The following SLC44A1 variants were observed in gnomAD, a reference collection of about 807,000 sequenced individuals.
SLC44A1 encodes the protein choline transporter-like protein 1.
Under a neutral mutation model 79.3 loss-of-function variants are expected in SLC44A1, and 26 were observed. That is an observed-to-expected ratio of 0.33 (90% confidence interval 0.24 to 0.46). The LOEUF (loss-of-function observed/expected upper bound fraction) is 0.46. Ranked by LOEUF, SLC44A1 falls within the 20% of genes least tolerant of loss-of-function variation. The pLI, the probability that SLC44A1 is intolerant of heterozygous loss-of-function variation, is 1.00. For synonymous variants in SLC44A1, 263 were observed against 286.2 expected (o/e 0.92, Z 0.82); for missense variants, 688 against 798.1 (o/e 0.86, Z 1.66).
Position 105,384,656 on chromosome 9 carries a change from T to C in SLC44A1, c.1870-766T>C, listed in dbSNP as rs151222462. On this transcript the variant is annotated intron_variant, in intron 14 of 15. Coordinates refer to ENST00000374720, the MANE Select transcript of SLC44A1 (RefSeq NM_080546.5). ...AATTTGATCATGATTATTGTATCTC[T>C]TTTGTGACTAAAGCATTTAGAAGAG... 2.0e-5 allele frequency among the ~76,000 whole-genome samples: 3 copies of C among 152,350 alleles called. No homozygotes were observed. In the East Asian group the frequency reaches 5.8e-4, roughly 29 times the overall value.
rs76060508 is a variant in SLC44A1 at position 105,394,643 on chromosome 9, A to G, written c.*5587A>G. 1.2e-4 allele frequency: 122 copies of G among 985,264 alleles called. 2 individuals are homozygous for G. In the East Asian group the frequency reaches 0.012, roughly 101 times the overall value. The allele number at this position is 985,264 out of a possible 1,614,324, so 61.0% of individuals were successfully genotyped here. On this transcript the variant is annotated 3_prime_UTR_variant, in exon 16 of 16. Transcript: ENST00000374720. Reference sequence around the variant, plus strand: ...TTATGTGGCTTAGTGTTATCAGTATACTACTGTCTTAAAATATATTTGTCA... The same window carrying G: ...TTATGTGGCTTAGTGTTATCAGTATGCTACTGTCTTAAAATATATTTGTCA...
Position 105,244,742 on chromosome 9 carries a change from C to CGCCGCTGCA in SLC44A1, c.-122_-121insTGCAGCCGC. The CGCCGCTGCA allele has an allele frequency of 2.7e-6, 1 of 369,728 alleles. No individual in the cohort carries two copies. The highest frequency in any genetic ancestry group is 4.2e-6 in the Non-Finnish European group (1 of 236,440). The allele number at this position is 369,728 out of a possible 1,614,324, so 22.9% of individuals were successfully genotyped here. On this transcript the variant is annotated 5_prime_UTR_variant, in exon 1 of 16. Transcript: ENST00000374720. ...CTTGAGTACCAGCCGCCGCTGCAGC[C>CGCCGCTGCA]GCCGCCGCCGCCTAGCCGTGCGGTG...
At chr9:105,270,956 T>C (rs1830062985) in intron 1 of SLC44A1, among the ~76,000 whole-genome samples, 1 of 152,248 alleles carries the variant, frequency 6.6e-6, no homozygotes, top group Non-Finnish European at 1.5e-5. Flanking sequence ...CCAGACTTAA[T>C]TAGGTTCCCT....
intron 1 of SLC44A1, among the ~76,000 whole-genome samples, chr9:105,260,824 T>TA (rs766019877): frequency 2.0e-5 from 3 of 152,198 alleles, no homozygotes; most frequent in Non-Finnish European, 4.4e-5. Context: ...GAGGGGCAGT[T>TA]ACAGTTATCA....
chr9:105,406,650 G>A (rs1325497019), intron 15 of SLC44A1, among the ~76,000 whole-genome samples: 1 of 152,156 alleles, frequency 6.6e-6, no homozygotes, highest in African/African-American at 2.4e-5. Flanking sequence ...GCTGAGGTGG[G>A]AGGCTTCCTT....
intron 2 of SLC44A1, 97 bp downstream of exon 2, chr9:105,299,406 C>T: frequency 2.8e-6 from 2 of 709,986 alleles, no homozygotes; most frequent in Non-Finnish European, 4.4e-6. Flanking sequence ...TATACCAGTC[C>T]TCATACAATT....
intron 13 of SLC44A1, among the ~76,000 whole-genome samples, chr9:105,378,999 G>A (rs1283575811): frequency 6.6e-6 from 1 of 152,216 alleles, no homozygotes; most frequent in Admixed American, 6.5e-5. Flanking sequence ...ACAGGGCTGG[G>A]CTCTGTGGCT....
rs1351507038 is a variant in SLC44A1 at position 105,370,729 on chromosome 9, C to T, written c.1495-3869C>T. Among the ~76,000 whole-genome samples, 4 of 152,236 alleles carry T rather than the reference C, an allele frequency of 2.6e-5. No homozygotes were observed. In the East Asian group the frequency reaches 5.8e-4, roughly 22 times the overall value. Reference sequence around the variant, plus strand: ...GATAACAGAGGAGAGAGAATGGAGACGTGTGGGTCCTTTCTTGCTTCCGTC... The same window carrying T: ...GATAACAGAGGAGAGAGAATGGAGATGTGTGGGTCCTTTCTTGCTTCCGTC... On this transcript the variant is annotated intron_variant, in intron 12 of 15. Coordinates refer to ENST00000374720, the MANE Select transcript of SLC44A1 (RefSeq NM_080546.5).
At chr9:105,271,521 A>C (rs1830076454) in intron 1 of SLC44A1, among the ~76,000 whole-genome samples, 1 of 152,194 alleles carries the variant, frequency 6.6e-6, no homozygotes, top group Admixed American at 6.5e-5. Flanking sequence ...AGAAGTGTGA[A>C]ATGTGTAATG....
intron 1 of SLC44A1, among the ~76,000 whole-genome samples, chr9:105,278,373 C>T (rs1237884579): frequency 2.0e-5 from 3 of 152,130 alleles, no homozygotes; most frequent in African/African-American, 4.8e-5. Flanking sequence ...CTCAGCCTCC[C>T]GAGTAGCTGG....
chr9:105,274,101 A>G (rs1011548735), intron 1 of SLC44A1, among the ~76,000 whole-genome samples: 1 of 152,220 alleles, frequency 6.6e-6, no homozygotes. Flanking sequence ...AAACCAGTAA[A>G]GGATATATCC....
intron 15 of SLC44A1, among the ~76,000 whole-genome samples, chr9:105,403,367 A>T (rs1347783375): frequency 2.0e-5 from 3 of 151,922 alleles, no homozygotes; most frequent in African/African-American, 7.3e-5. Context: ...TTAAATTGGG[A>T]TTTGGGGATG....
intron 3 of SLC44A1, among the ~76,000 whole-genome samples, chr9:105,323,985 C>T (rs879441662): frequency 3.3e-5 from 5 of 151,986 alleles, no homozygotes; most frequent in Non-Finnish European, 5.9e-5. Context: ...GTACTTTCTC[C>T]CAAGTGCTTT....
chr9:105,431,879 C>T (rs1299151910), intron 15 of SLC44A1, among the ~76,000 whole-genome samples: 1 of 152,188 alleles, frequency 6.6e-6, no homozygotes, highest in Non-Finnish European at 1.5e-5. Context: ...AAACTACTTG[C>T]AGCAAAGTTG....
At position 105,374,583 on chromosome 9, in the gene SLC44A1, T is replaced by C. The variant is rs1410708009; in HGVS notation, c.1495-15T>C. 4 of 1,597,508 alleles carry C rather than the reference T, an allele frequency of 2.5e-6. No individual in the cohort carries two copies. Among genetic ancestry groups the C allele is most frequent in the African/African-American group, 1.3e-5 (1 of 74,184 alleles). ...TTCAATTGTTGACGAAAATGTTGTT[T>C]TTGCTTTTGTCCAGAATGCATACAC... On this transcript the variant is annotated splice_polypyrimidine_tract_variant and intron_variant, in intron 12 of 15. Coordinates refer to ENST00000374720, the MANE Select transcript of SLC44A1 (RefSeq NM_080546.5).
chr9:105,324,478 C>T (rs1826508769), intron 3 of SLC44A1, among the ~76,000 whole-genome samples: 1 of 152,026 alleles, frequency 6.6e-6, no homozygotes, highest in Non-Finnish European at 1.5e-5. Flanking sequence ...GTCTCAAACT[C>T]CTGGCCTCAA....
intron 3 of SLC44A1, among the ~76,000 whole-genome samples, chr9:105,318,749 G>A (rs1480346490): frequency 6.6e-6 from 1 of 152,004 alleles, no homozygotes; most frequent in Admixed American, 6.6e-5. Flanking sequence ...AGAAAATGCG[G>A]GAGTTCAAAG....
Position 105,389,957 on chromosome 9 carries a change from A to T in SLC44A1, c.*901A>T. 2 of 1,489,156 alleles carry T rather than the reference A, an allele frequency of 1.3e-6. No homozygotes were observed. The highest frequency in any genetic ancestry group is 1.7e-4 in the Middle Eastern group (1 of 5,742). The allele number at this position is 1,489,156 out of a possible 1,614,324, so 92.2% of individuals were successfully genotyped here. A position where few individuals can be genotyped will look rare whatever the true frequency, so the allele number is the denominator to read the frequency against. On this transcript the variant is annotated 3_prime_UTR_variant, in exon 16 of 16. Coordinates refer to ENST00000374720, the MANE Select transcript of SLC44A1 (RefSeq NM_080546.5). Reference sequence around the variant, plus strand: ...GGGACAGAAACATGGAACATAAAGCATTGAAAATTCCGGTGCTTGGGCTTC... The same window carrying T: ...GGGACAGAAACATGGAACATAAAGCTTTGAAAATTCCGGTGCTTGGGCTTC...
At chr9:105,263,167 C>T (rs1441761831) in intron 1 of SLC44A1, among the ~76,000 whole-genome samples, 4 of 152,160 alleles carry the variant, frequency 2.6e-5, no homozygotes, top group Admixed American at 6.5e-5. Flanking sequence ...ACATACTCTA[C>T]GTGGATTTTG....
Sources: gnomAD v4.1 joint callset for allele counts (sites outside exome capture counted in the v4.1 genomes callset) on GRCh38, gnomAD v4.1.1 for gene constraint, MANE v1.5 for transcripts, NCBI Gene and HGNC (gene_info 2026-07-23, HGNC 2026-07-21) for gene names.